KSR2: variants seen among roughly 807,000 people sequenced by gnomAD.
The protein encoded by KSR2 is kinase suppressor of ras 2.
Under a neutral mutation model 107.8 loss-of-function variants are expected in KSR2, and 25 were observed. The ratio of observed to expected loss-of-function variants is 0.23; its 90% confidence interval spans 0.17 to 0.32. The LOEUF (loss-of-function observed/expected upper bound fraction) is 0.32, where lower values mean the gene tolerates loss of function less well. Among genes scored for constraint, KSR2 ranks in the 10% least tolerant of loss-of-function variants. The probability of loss-of-function intolerance (pLI) is 1.00; values close to 1 mark genes in which losing one functional copy is unlikely to be tolerated. For missense variants in KSR2, 887 were observed against 1,268.9 expected, an observed-to-expected ratio of 0.70 and a Z score of 4.57; for synonymous variants, 480 against 507.0, an observed-to-expected ratio of 0.95 and a Z score of 0.71.
intron 1 of KSR2, among the ~76,000 whole-genome samples, chr12:117,947,209 G>GAAAAGAAAGA (rs796600006): frequency 6.4e-4 from 50 of 77,842 alleles, no homozygotes; most frequent in Non-Finnish European, 1.1e-3. Flanking sequence ...AGAAAGAAAA[G>GAAAAGAAAGA]AAAGAAAGAA....
At chr12:117,667,721 G>A in intron 4 of KSR2, 63 bp from the exon 5 acceptor site, 4 of 1,371,514 alleles carry the variant, frequency 2.9e-6, no homozygotes, top group Middle Eastern at 2.1e-4. Context: ...AGTTACAGCA[G>A]GGAGGCCCAG....
chr12:117,530,331 A>G (rs1327219435), intron 12 of KSR2, among the ~76,000 whole-genome samples: 1 of 152,212 alleles, frequency 6.6e-6, no homozygotes, highest in Non-Finnish European at 1.5e-5. Flanking sequence ...AGGGTCATAG[A>G]GTAAATATTT....
At chr12:117,756,554 G>A (rs1183277919) in intron 4 of KSR2, among the ~76,000 whole-genome samples, 5 of 152,156 alleles carry the variant, frequency 3.3e-5, no homozygotes, top group South Asian at 2.1e-4. Flanking sequence ...ATTGCTCATC[G>A]ACAATGCATG....
chr12:117,678,895 T>C (rs1014435517), intron 4 of KSR2, among the ~76,000 whole-genome samples: 1 of 152,164 alleles, frequency 6.6e-6, no homozygotes, highest in Non-Finnish European at 1.5e-5. Context: ...CAAAGAGGGA[T>C]ACTGCCCAAG....
chr12:117,880,081 G>T (rs2137317265), intron 1 of KSR2, among the ~76,000 whole-genome samples: 2 of 152,246 alleles, frequency 1.3e-5, no homozygotes, highest in African/African-American at 4.8e-5. Flanking sequence ...GGGAGGCGGA[G>T]GTTGCGGTGA....
chr12:117,629,678 A>G (rs569924392), intron 5 of KSR2, among the ~76,000 whole-genome samples: 2 of 152,342 alleles, frequency 1.3e-5, no homozygotes, highest in Admixed American at 6.5e-5. Flanking sequence ...AATTACTCCT[A>G]TATGTCCTCA....
intron 13 of KSR2, among the ~76,000 whole-genome samples, chr12:117,525,787 A>T (rs1875105720): frequency 6.6e-6 from 1 of 152,206 alleles, no homozygotes; most frequent in African/African-American, 2.4e-5. Flanking sequence ...TCCCCCAGGG[A>T]ATTTGGAATT....
At chr12:117,656,314 T>C (rs529425276) in intron 5 of KSR2, among the ~76,000 whole-genome samples, 1 of 152,322 alleles carries the variant, frequency 6.6e-6, no homozygotes, top group African/African-American at 2.4e-5. Context: ...TCTGGTTATA[T>C]GAAGGATAGT....
At chr12:117,804,705 T>G (rs972172221) in intron 3 of KSR2, among the ~76,000 whole-genome samples, 39 of 152,140 alleles carry the variant, frequency 2.6e-4, no homozygotes, top group African/African-American at 9.2e-4. Context: ...CTGCAGTAAA[T>G]CATAAGATCC....
chr12:117,742,405 C>T (rs1888251622), intron 4 of KSR2, among the ~76,000 whole-genome samples: 1 of 152,086 alleles, frequency 6.6e-6, no homozygotes, highest in African/African-American at 2.4e-5. Flanking sequence ...AGAGAATGCT[C>T]CTGATTTTAG....
chr12:117,708,906 G>T (rs1018959094), intron 4 of KSR2, among the ~76,000 whole-genome samples: 3 of 152,132 alleles, frequency 2.0e-5, no homozygotes, highest in African/African-American at 4.8e-5. Context: ...TATAGTTCTA[G>T]AAGTTAGAAG....
intron 12 of KSR2, among the ~76,000 whole-genome samples, chr12:117,528,731 C>A (rs1434931536): frequency 6.6e-6 from 1 of 152,204 alleles, no homozygotes; most frequent in African/African-American, 2.4e-5. Flanking sequence ...TGGGACAATG[C>A]AGCTGGAGTC....
chr12:117,864,105 G>T (rs1893398229), intron 1 of KSR2, among the ~76,000 whole-genome samples: 2 of 152,104 alleles, frequency 1.3e-5, no homozygotes, highest in Non-Finnish European at 1.5e-5. Flanking sequence ...ACTTACCCGG[G>T]CAAGTGGTTC....
chr12:117,517,188 G>A (rs552485263), intron 14 of KSR2, among the ~76,000 whole-genome samples: 1 of 152,262 alleles, frequency 6.6e-6, no homozygotes, highest in South Asian at 2.1e-4. Context: ...ACTATTACAT[G>A]GACAAGAAAT....
At chr12:117,803,163 G>C (rs1463566335) in intron 3 of KSR2, among the ~76,000 whole-genome samples, 1 of 152,196 alleles carries the variant, frequency 6.6e-6, no homozygotes, top group Non-Finnish European at 1.5e-5. Flanking sequence ...GCCCTTGTCA[G>C]AGTGATTTAT....
At chr12:117,928,181 CCT>C (rs1491275952) in intron 1 of KSR2, among the ~76,000 whole-genome samples, 2 of 47,902 alleles carry the variant, frequency 4.2e-5, no homozygotes, top group Non-Finnish European at 7.5e-5. Context: ...TTCCTTCTTT[CCT>C]TTTTTTTTTT....
At chr12:117,933,569 G>A (rs1435028555) in intron 1 of KSR2, among the ~76,000 whole-genome samples, 1 of 151,504 alleles carries the variant, frequency 6.6e-6, no homozygotes, top group Admixed American at 6.6e-5. Flanking sequence ...TCCAGCCTGG[G>A]TGACAGAGCA....
chr12:117,785,670 C>T (rs1475065580), intron 3 of KSR2, among the ~76,000 whole-genome samples: 1 of 151,992 alleles, frequency 6.6e-6, no homozygotes, highest in African/African-American at 2.4e-5. Flanking sequence ...TTCTCATTTA[C>T]TGGATGAGCT....
chr12:117,475,198 C>A (rs1427125302), intron 17 of KSR2, among the ~76,000 whole-genome samples: 1 of 152,136 alleles, frequency 6.6e-6, no homozygotes, highest in Non-Finnish European at 1.5e-5. Flanking sequence ...TTATGTCACT[C>A]CCCCTTCCCC....
Sources: gnomAD v4.1 joint callset for allele counts (sites outside exome capture counted in the v4.1 genomes callset) on GRCh38, gnomAD v4.1.1 for gene constraint, MANE v1.5 for transcripts, NCBI Gene and HGNC (gene_info 2026-07-23, HGNC 2026-07-21) for gene names.